TEX52: variants seen among roughly 807,000 people sequenced by gnomAD.
The protein encoded by TEX52 is testis-expressed protein 52.
A neutral mutation model predicts 17.6 loss-of-function variants in TEX52; 22 were observed. The ratio of observed to expected loss-of-function variants is 1.25; its 90% confidence interval spans 0.89 to 1.78. The LOEUF (loss-of-function observed/expected upper bound fraction) is 1.78, where lower values mean the gene tolerates loss of function less well. Among genes scored for constraint, TEX52 ranks in the 40% most tolerant of loss-of-function variants. The pLI is 0.00. For missense variants in TEX52, 396 were observed against 372.3 expected, an observed-to-expected ratio of 1.06 and a Z score of -0.52; for synonymous variants, 168 against 147.4, an observed-to-expected ratio of 1.14 and a Z score of -1.01.
intron 1 of TEX52, among the ~76,000 whole-genome samples, chr12:2,855,849 G>A (rs756099507): frequency 3.0e-4 from 45 of 152,212 alleles, no homozygotes; most frequent in Non-Finnish European, 5.0e-4. Context: ...TGCCAAGGGG[G>A]GCAGCCCACC....
downstream of TEX52, among the ~76,000 whole-genome samples, chr12:2,848,887 A>G (rs2098061034): frequency 6.7e-6 from 1 of 150,288 alleles, no homozygotes; most frequent in African/African-American, 2.5e-5. Flanking sequence ...GCACACACAC[A>G]CACACACACA....
intron 1 of TEX52, among the ~76,000 whole-genome samples, chr12:2,856,663 C>T (rs1007995352): frequency 1.4e-4 from 21 of 152,170 alleles, no homozygotes; most frequent in African/African-American, 5.1e-4. Flanking sequence ...GTGCCTGGCC[C>T]CCAGGACTTT....
chr12:2,854,559 C>T (rs529084270), intron 2 of TEX52, among the ~76,000 whole-genome samples: 10 of 152,350 alleles, frequency 6.6e-5, no homozygotes, highest in Admixed American at 4.6e-4. Flanking sequence ...CCCTGTCTCG[C>T]ACTCTGGGCC....
intron 2 of TEX52, 135 bp from the exon 3 acceptor site, chr12:2,849,660 G>T: frequency 1.0e-6 from 1 of 973,052 alleles, no homozygotes; most frequent in Non-Finnish European, 1.5e-6. Context: ...AATCCCTTCT[G>T]TCTCTCCACC....
rs1159505712 is a variant in TEX52, at chr12:2,849,385, G to T, written c.764C>A (p.Ala255Asp). Residue 255 changes from alanine (A) to aspartate (D), a missense_variant, in exon 3 of 3, where the codon GCC becomes GAC. Ala to Asp is a moderately radical substitution (Grantham distance 126). Transcript: ENST00000637658. ...GCTCAGGGGCGCGCTGGGCAGCAAG[G>T]CCAGCTTTAGCACCTTCTCCTGGTA... is the stretch of plus-strand genomic sequence containing the variant. The part of the protein sequence containing the change: ...PHYQEKVLKL[A>D]LLPSAPLSQD... 2 of 1,536,062 alleles carry T rather than the reference G, an allele frequency of 1.3e-6. No individual in the cohort carries two copies. The highest frequency in any genetic ancestry group is 1.4e-5 in the African/African-American group (1 of 73,052).
downstream of TEX52, among the ~76,000 whole-genome samples, chr12:2,848,207 G>A (rs548312588): frequency 6.6e-5 from 10 of 152,296 alleles, no homozygotes; most frequent in African/African-American, 9.6e-5. Flanking sequence ...AAAGAAGGCC[G>A]TGGGCAGGAG....
intron 2 of TEX52, among the ~76,000 whole-genome samples, chr12:2,854,576 A>T (rs1030638269): frequency 6.6e-6 from 1 of 152,110 alleles, no homozygotes; most frequent in Non-Finnish European, 1.5e-5. Context: ...GGCCCTTTGC[A>T]TGTGTAGCCT....
At chr12:2,850,871 C>T (rs956225842) in intron 2 of TEX52, among the ~76,000 whole-genome samples, 1 of 151,508 alleles carries the variant, frequency 6.6e-6, no homozygotes, top group Non-Finnish European at 1.5e-5. Context: ...GGGGTTTCCC[C>T]ATGTTGGCCA....
intron 2 of TEX52, among the ~76,000 whole-genome samples, chr12:2,852,617 G>C (rs1349302848): frequency 6.6e-6 from 1 of 151,914 alleles, no homozygotes; most frequent in Non-Finnish European, 1.5e-5. Context: ...CTCCCACTTC[G>C]GCCTCCCAAA....
chr12:2,848,830 C>T (rs2098060396), downstream of TEX52, among the ~76,000 whole-genome samples: 1 of 151,302 alleles, frequency 6.6e-6, no homozygotes, highest in African/African-American at 2.4e-5. Context: ...TCTTCTTATC[C>T]ATGTTTCTTA....
chr12:2,851,175 T>C (rs996620454), intron 2 of TEX52, among the ~76,000 whole-genome samples: 5 of 149,972 alleles, frequency 3.3e-5, no homozygotes, highest in Non-Finnish European at 7.4e-5. Context: ...AAAAAAAAAA[T>C]TAAAGATTTA....
At chr12:2,856,926 GTA>G (rs2098089164) in intron 1 of TEX52, 27 bp downstream of exon 1, 1 of 702,900 alleles carries the variant, frequency 1.4e-6, no homozygotes, top group South Asian at 1.5e-5. Flanking sequence ...GTACAAAAAG[GTA>G]GGCGGCAGAG....
At chr12:2,854,564 TG>T (rs1361517071) in intron 2 of TEX52, among the ~76,000 whole-genome samples, 1 of 152,228 alleles carries the variant, frequency 6.6e-6, no homozygotes, top group Admixed American at 6.5e-5. Context: ...TCTCGCACTC[TG>T]GGCCCTTTGC....
At chr12:2,854,865 G>A in intron 2 of TEX52, 31 bp downstream of exon 2, 1 of 1,511,334 alleles carries the variant, frequency 6.6e-7, no homozygotes, top group Non-Finnish European at 8.8e-7. Context: ...AGGGCAGGCT[G>A]GGTGGGCTCC....
At chr12:2,853,263 C>T (rs1320330525) in intron 2 of TEX52, among the ~76,000 whole-genome samples, 1 of 151,980 alleles carries the variant, frequency 6.6e-6, no homozygotes, top group Non-Finnish European at 1.5e-5. Flanking sequence ...CTCTCAAAGT[C>T]ACCAACCTTT....
chr12:2,853,799 G>T lies in TEX52; in HGVS notation c.623+1097C>A, dbSNP rs145194666. 3.3e-3 allele frequency among the ~76,000 whole-genome samples: 499 copies of T among 152,132 alleles called. 4 individuals are homozygous for T. The highest frequency in any genetic ancestry group is 0.011 in the African/African-American group (464 of 41,518). ...CGTGAGTTCCCAGGGTGGCCGGGAG[G>T]GGGAGCTGCGGGGTTCACAGCGGCT... is the stretch of plus-strand genomic sequence containing the variant. On this transcript the variant is annotated intron_variant, in intron 2 of 2. Coordinates refer to ENST00000637658, the MANE Select transcript of TEX52 (RefSeq NM_001365174.2).
At chr12:2,849,567 A>G (rs1205357378) in intron 2 of TEX52, 42 bp from the exon 3 acceptor site, 1 of 1,534,108 alleles carries the variant, frequency 6.5e-7, no homozygotes, top group Non-Finnish European at 8.7e-7. Context: ...AGATCAAAGA[A>G]GAGATCCAGG....
At chr12:2,849,034 A>T (rs1422047064), downstream of TEX52, 12 of 618,644 alleles carry the variant, frequency 1.9e-5, no homozygotes, top group Non-Finnish European at 3.3e-5. Context: ...GAAGAAATAT[A>T]ACAATTTAGA....
rs1603494083 is a variant in TEX52 at position 2,855,245 on chromosome 12, T to G, written c.274A>C (p.Thr92Pro). Reference sequence around the variant, plus strand: ...TCGAGCCACGTGTGAAAGCCCCAGGTGTGCTGGGCGCCACCCTTCCAAGGG... The same window carrying G: ...TCGAGCCACGTGTGAAAGCCCCAGGGGTGCTGGGCGCCACCCTTCCAAGGG... The part of the protein sequence containing the change: ...IHPWKGGAQH[T>P]WGFHTWLDVC... The change falls in exon 2 of 3, where the codon ACC (threonine) becomes CCC (proline). Residue 92 changes from threonine to proline, a missense_variant. Coordinates refer to ENST00000637658, the MANE Select transcript of TEX52 (RefSeq NM_001365174.2). 6.6e-7 allele frequency: 1 copy of G among 1,508,142 alleles called. No homozygotes were observed. Among genetic ancestry groups the G allele is most frequent in the South Asian group, 1.2e-5 (1 of 81,096 alleles). 93.4% of individuals were successfully genotyped at this position (1,508,142 alleles called of 1,614,324 possible).
Sources: allele counts gnomAD v4.1 joint callset (sites outside exome capture counted in the v4.1 genomes callset), GRCh38; gene constraint gnomAD v4.1.1; transcripts MANE v1.5; gene names NCBI Gene and HGNC (gene_info 2026-07-23, HGNC 2026-07-21).